Variants in ALG8 observed in about 807,000 individuals in gnomAD.
ALG8 encodes dolichyl pyrophosphate Glc1Man9GlcNAc2 alpha-1,3-glucosyltransferase.
A neutral mutation model predicts 70.2 loss-of-function variants in ALG8; 48 were observed. That is an observed-to-expected ratio of 0.68 (90% confidence interval 0.54 to 0.87). The LOEUF (loss-of-function observed/expected upper bound fraction) is 0.87, where lower values mean the gene tolerates loss of function less well. Ranked by LOEUF, ALG8 falls within the 40% of genes least tolerant of loss-of-function variation. The pLI, the probability that ALG8 is intolerant of heterozygous loss-of-function variation, is 0.00. For missense variants in ALG8, 572 were observed against 608.7 expected, an observed-to-expected ratio of 0.94 and a Z score of 0.64; for synonymous variants, 234 against 229.0, an observed-to-expected ratio of 1.02 and a Z score of -0.20.
Position 78,123,976 on chromosome 11 carries a change from A to AT in ALG8, c.368+44dup, listed in dbSNP as rs779968989. 3.7e-6 allele frequency: 6 copies of AT among 1,603,366 alleles called. No homozygotes were observed. The South Asian group carries it at 5.5e-5, about 15-fold the overall frequency. The stretch of plus-strand genomic sequence containing the variant: ...AGTTAATACTACTTAACACTGTACT[A>AT]TTTTTTCAATACCTTCCATACAAAA... On this transcript the variant is annotated intron_variant, in intron 3 of 12. Transcript: ENST00000299626.
At chr11:78,127,581 A>C (rs957527033) in intron 1 of ALG8, 145 bp from the exon 2 acceptor site, 2 of 746,654 alleles carry the variant, frequency 2.7e-6, no homozygotes, top group Admixed American at 2.2e-5. Context: ...ACATTACATA[A>C]TCCTGTAAAA....
chr11:78,117,714 G>A (rs1860639463), intron 5 of ALG8, among the ~76,000 whole-genome samples: 1 of 151,858 alleles, frequency 6.6e-6, no homozygotes, highest in Non-Finnish European at 1.5e-5. Flanking sequence ...GGAGTTTGAG[G>A]AGGCAGTGAG....
At chr11:78,119,926 C>T (rs1172167083) in intron 4 of ALG8, among the ~76,000 whole-genome samples, 2 of 151,798 alleles carry the variant, frequency 1.3e-5, no homozygotes, top group Non-Finnish European at 2.9e-5. Context: ...ACATGGCAAA[C>T]CCCCGTCTCT....
chr11:78,127,137 C>T (rs1193356515), intron 2 of ALG8, among the ~76,000 whole-genome samples: 2 of 152,010 alleles, frequency 1.3e-5, no homozygotes, highest in Admixed American at 6.6e-5. Context: ...CACCACCACA[C>T]CCAGCTAATT....
Position 78,124,093 on chromosome 11 carries a change from C to T in ALG8, c.296G>A (p.Ser99Asn). The T allele has an allele frequency of 6.2e-7, 1 of 1,614,098 alleles. No homozygotes were observed. The highest frequency in any genetic ancestry group is 1.1e-5 in the South Asian group (1 of 91,080). Residue 99 changes from serine to asparagine, a missense_variant, in exon 3 of 13, where the codon AGC becomes AAC. Transcript: ENST00000299626. ...TCTCTGGAAAAGTAAGGTCCTTGAG[C>T]TGGAGTAATTCAAATTATGGACATT... ...MLNVHNLNYS[S>N]SRTLLFQRFS...
At chr11:78,134,281 G>A (rs937851121) in intron 1 of ALG8, among the ~76,000 whole-genome samples, 3 of 152,218 alleles carry the variant, frequency 2.0e-5, no homozygotes, top group South Asian at 2.1e-4. Context: ...GGGATCACAG[G>A]TGCCCACCAC....
In ALG8 at chr11:78,106,853, AC is replaced by A. The variant is rs780826167; in HGVS notation, c.1131del (p.Trp378GlyfsTer10). The A allele has an allele frequency of 1.2e-6, 2 of 1,614,136 alleles. No individual in the cohort carries two copies. Among genetic ancestry groups the A allele is most frequent in the Admixed American group, 1.7e-5 (1 of 60,008 alleles). On this transcript the variant is annotated frameshift_variant, in exon 10 of 13. Coordinates refer to ENST00000299626, the MANE Select transcript of ALG8 (RefSeq NM_024079.5). LOFTEE classifies it high-confidence loss of function. ...AGTATGGCTTTTTCATGAACATGCC[AC>A]CCAAACATAAAGGAGCTCAAGGCAC... ...TLCALSSFMF[G>X]WHVHEKAILL...
chr11:78,102,248 CA>C (rs1859828390), intron 12 of ALG8, among the ~76,000 whole-genome samples: 1 of 152,214 alleles, frequency 6.6e-6, no homozygotes, highest in Non-Finnish European at 1.5e-5. Context: ...CCTGTTCCCT[CA>C]ACCTCTAATC....
chr11:78,132,998 G>A (rs374813841), intron 1 of ALG8, among the ~76,000 whole-genome samples: 12 of 151,702 alleles, frequency 7.9e-5, no homozygotes, highest in African/African-American at 2.7e-4. Flanking sequence ...CACCACACCC[G>A]GCTAATTTTT....
At position 78,123,831 on chromosome 11, in the gene ALG8, C is replaced by G. The variant is rs371624665; in HGVS notation, c.368+190G>C. Among the ~76,000 whole-genome samples, 20 of 152,232 alleles carry G rather than the reference C, an allele frequency of 1.3e-4. No individual in the cohort carries two copies. In the South Asian group the frequency reaches 3.7e-3, roughly 28 times the overall value. On this transcript the variant is annotated intron_variant, in intron 3 of 12. Transcript: ENST00000299626. ...TCTGCCTTGTAACTCCACCTTATCC[C>G]CATTTCTTCCACAAGATTCAGCTAG...
Position 78,100,991 on chromosome 11 carries a change from A to T in ALG8, c.1554T>A (p.Ser518=). 1 of 1,614,208 alleles carries T rather than the reference A, an allele frequency of 6.2e-7. No individual in the cohort carries two copies. Among genetic ancestry groups the T allele is most frequent in the Non-Finnish European group, 8.5e-7 (1 of 1,180,000 alleles). ...FKLYVSVLID[S]AIGKTKKQ ...ATTGTTTCTTTGTCTTGCCAATAGCAGAGTCAATCAATACTGAAACATACA... is the reference window on the plus strand; with the variant it reads ...ATTGTTTCTTTGTCTTGCCAATAGCTGAGTCAATCAATACTGAAACATACA... Residue 518 remains serine, a synonymous_variant, in exon 13 of 13, where the codon TCT becomes TCA. Coordinates refer to ENST00000299626, the MANE Select transcript of ALG8 (RefSeq NM_024079.5).
intron 8 of ALG8, among the ~76,000 whole-genome samples, chr11:78,110,207 T>TA (rs759923454): frequency 5.9e-5 from 9 of 152,106 alleles, no homozygotes; most frequent in Admixed American, 1.3e-4. Flanking sequence ...GATGGAGTCT[T>TA]ACTCTGTCAC....
In ALG8 at chr11:78,112,614, A is replaced by G. The variant is rs112355034; in HGVS notation, c.898+36T>C. 3.1e-3 allele frequency: 5,067 copies of G among 1,611,310 alleles called. 154 individuals are homozygous for G. In the African/African-American group the frequency reaches 0.061, roughly 19 times the overall value. Reference sequence around the variant, plus strand: ...CTCCATGTGCCTAAGTCCTTTCAATATTCAGAGTCTGAGTAAAAAATGCTC... The same window carrying G: ...CTCCATGTGCCTAAGTCCTTTCAATGTTCAGAGTCTGAGTAAAAAATGCTC... On this transcript the variant is annotated intron_variant, in intron 8 of 12. Coordinates refer to ENST00000299626, the MANE Select transcript of ALG8 (RefSeq NM_024079.5).
rs61995923 is a variant in ALG8, at chr11:78,112,679, T to C, written c.869A>G (p.Asn290Ser). ...YWAPNFWALYNALDKVLSVIG... is the reference protein window; with the variant it reads ...YWAPNFWALYSALDKVLSVIG... ...GACAGACAGCACTTTGTCCAAAGCA[T>C]TGTACAAAGCCCAGAAGTTTGGAGC... The change falls in exon 8 of 13, where the codon AAT becomes AGT. Residue 290 changes from asparagine (N) to serine (S), a missense_variant. Physicochemically the swap from Asn to Ser is conservative, Grantham distance 46. Transcript: ENST00000299626. 8.9e-5 allele frequency: 144 copies of C among 1,614,042 alleles called. No individual in the cohort carries two copies. In the African/African-American group the frequency reaches 1.6e-3, roughly 18 times the overall value.
At chr11:78,107,763 A>G (rs138989041) in intron 9 of ALG8, 2 of 222,678 alleles carry the variant, frequency 9.0e-6, no homozygotes, top group East Asian at 1.8e-4. Flanking sequence ...AATCGCTTGA[A>G]CCTGGGAGGC....
chr11:78,129,148 C>T (rs182133685), intron 1 of ALG8, among the ~76,000 whole-genome samples: 10 of 151,906 alleles, frequency 6.6e-5, no homozygotes, highest in South Asian at 2.1e-4. Flanking sequence ...GGGCCGGGCG[C>T]GGTGGCTCAC....
In ALG8 at chr11:78,112,511, G is replaced by A. The variant is rs624350; in HGVS notation, c.898+139C>T. 0.66 allele frequency: 858,185 copies of A among 1,304,430 alleles called. 286,502 individuals carry two copies. Among genetic ancestry groups the A allele is most frequent in the Non-Finnish European group, 0.69 (633,533 of 923,652 alleles). 80.8% of individuals were successfully genotyped at this position (1,304,430 alleles called of 1,614,324 possible). A position where few individuals can be genotyped will look rare whatever the true frequency, so the allele number is the denominator to read the frequency against. Reference sequence around the variant, plus strand: ...CTCAGTCCCAAGAACTGCTCCCCCTGTTCATCCTGAAAGCTGAAATGCAGG... The same window carrying A: ...CTCAGTCCCAAGAACTGCTCCCCCTATTCATCCTGAAAGCTGAAATGCAGG... On this transcript the variant is annotated intron_variant, in intron 8 of 12. Coordinates refer to ENST00000299626, the MANE Select transcript of ALG8 (RefSeq NM_024079.5).
At chr11:78,110,681 C>A (rs756487420) in intron 8 of ALG8, among the ~76,000 whole-genome samples, 14 of 152,184 alleles carry the variant, frequency 9.2e-5, no homozygotes, top group Non-Finnish European at 1.6e-4. Flanking sequence ...CAAGCCCCAA[C>A]AAGCTCTGGC....
chr11:78,128,422 C>G (rs2136935129), intron 1 of ALG8, among the ~76,000 whole-genome samples: 1 of 152,270 alleles, frequency 6.6e-6, no homozygotes. Flanking sequence ...ACAATGACAA[C>G]TTTCTCCTAC....
Sources: gnomAD v4.1 joint callset for allele counts (sites outside exome capture counted in the v4.1 genomes callset) on GRCh38, gnomAD v4.1.1 for gene constraint, MANE v1.5 for transcripts, NCBI Gene and HGNC (gene_info 2026-07-23, HGNC 2026-07-21) for gene names.